OTOG: variants seen among roughly 807,000 people sequenced by gnomAD.
The protein encoded by OTOG is otogelin.
In OTOG, 296 loss-of-function variants were observed where a neutral mutation model predicts 313.8. The ratio of observed to expected loss-of-function variants is 0.94; its 90% confidence interval spans 0.86 to 1.04. OTOG has a LOEUF of 1.04. Among genes scored for constraint, OTOG ranks in the 50% least tolerant of loss-of-function variants. OTOG has a pLI of 0.00. For synonymous variants in OTOG, 1,533 were observed against 1,554.9 expected (o/e 0.99, Z 0.33); for missense variants, 3,948 against 3,840.1 (o/e 1.03, Z -0.74).
chr11:17,631,390 G>A (rs1450585048), intron 40 of OTOG, among the ~76,000 whole-genome samples: 1 of 106,448 alleles, frequency 9.4e-6, no homozygotes, highest in Admixed American at 8.5e-5. Flanking sequence ...GTGTGTGTGT[G>A]GGGGGGGGTA....
At chr11:17,605,000 G>A (rs1286474709) in intron 32 of OTOG, among the ~76,000 whole-genome samples, 2 of 152,238 alleles carry the variant, frequency 1.3e-5, no homozygotes, top group Non-Finnish European at 2.9e-5. Flanking sequence ...AGGGGCTGAA[G>A]ATGCACCCAC....
chr11:17,591,809 C>G lies in OTOG; in HGVS notation c.3006+221C>G, dbSNP rs190594925. ...CTGCCTGTCTGCTCACCATTATAATCTTGCTCTGTTGGGTCCCAGTGCTTT... is the reference window on the plus strand; with the variant it reads ...CTGCCTGTCTGCTCACCATTATAATGTTGCTCTGTTGGGTCCCAGTGCTTT... On this transcript the variant is annotated intron_variant, in intron 25 of 55. Coordinates refer to ENST00000399397, the MANE Select transcript of OTOG (RefSeq NM_001292063.2). Among the ~76,000 whole-genome samples the G allele has an allele frequency of 6.0e-4, 92 of 152,344 alleles. 1 individual carries two copies. In the East Asian group the frequency reaches 0.018, roughly 29 times the overall value.
At chr11:17,575,834 A>G (rs11024326) in intron 20 of OTOG, among the ~76,000 whole-genome samples, 39,820 of 151,964 alleles carry the variant, frequency 0.26, 6,107 homozygotes, top group Middle Eastern at 0.44. Context: ...TGGCTTATAT[A>G]TAGAGAGGGA....
chr11:17,578,332 T>G, intron 22 of OTOG, 41 bp from the exon 23 acceptor site: 1 of 1,440,990 alleles, frequency 6.9e-7, no homozygotes, highest in Non-Finnish European at 9.1e-7. Flanking sequence ...GAGCCCATAC[T>G]GAGGCCCCAG....
In OTOG at chr11:17,638,466, G is replaced by A. The variant is rs988638407; in HGVS notation, c.7811G>A (p.Arg2604His). 14 of 1,549,206 alleles carry A rather than the reference G, an allele frequency of 9.0e-6. No homozygotes were observed. Among genetic ancestry groups the A allele is most frequent in the East Asian group, 4.9e-5 (2 of 40,902 alleles). ...PLYQCVCENF[R>H]CPQVQCGLGT... ...TTCCCCACAGTGTGTGAGAACTTCC[G>A]CTGTCCCCAAGTGCAGTGTGGCCTG... Residue 2604 changes from arginine (R) to histidine (H), a missense_variant, in exon 48 of 56, where the codon CGC becomes CAC. Transcript: ENST00000399397.
intron 17 of OTOG, among the ~76,000 whole-genome samples, chr11:17,571,147 AC>A (rs1459862940): frequency 1.3e-5 from 2 of 152,234 alleles, no homozygotes; most frequent in East Asian, 3.8e-4. Context: ...AAGAACAAGA[AC>A]AAAATAAAGC....
chr11:17,563,120 GA>G (rs1402938403), intron 15 of OTOG, among the ~76,000 whole-genome samples: 2 of 152,216 alleles, frequency 1.3e-5, no homozygotes, highest in Non-Finnish European at 2.9e-5. Flanking sequence ...AATCACCTGT[GA>G]ACATAACTGA....
chr11:17,600,292 GT>G (rs1853217526), intron 31 of OTOG, among the ~76,000 whole-genome samples: 1 of 151,664 alleles, frequency 6.6e-6, no homozygotes, highest in African/African-American at 2.4e-5. Context: ...GATTGGGTGG[GT>G]GGGGTAGAGA....
intron 53 of OTOG, among the ~76,000 whole-genome samples, chr11:17,643,251 C>G (rs1401372400): frequency 1.3e-5 from 2 of 152,232 alleles, no homozygotes; most frequent in East Asian, 3.8e-4. Flanking sequence ...GACCCAGGCT[C>G]CTGCCGCAAG....
In OTOG at chr11:17,633,696, C is replaced by T. The variant is rs1439272670; in HGVS notation, c.7089C>T (p.Ser2363=). 4.5e-6 allele frequency: 7 copies of T among 1,539,654 alleles called. No homozygotes were observed. Among genetic ancestry groups the T allele is most frequent in the Middle Eastern group, 1.7e-4 (1 of 5,942 alleles). Residue 2363 remains serine (S), a synonymous_variant, in exon 43 of 56, where the codon AGC becomes AGT. Coordinates refer to ENST00000399397, the MANE Select transcript of OTOG (RefSeq NM_001292063.2). ...CCCCTGCAGCCTTCCTGTGCTCCAG[C>T]GACTCCACATACCAGGCATGTGTGA... ...RSDYCPFLCS[S]DSTYQACVTA... is the part of the protein sequence containing the mutation.
Position 17,553,437 on chromosome 11 carries a change from G to T in OTOG, c.458G>T (p.Gly153Val). The change falls in exon 6 of 56, where the codon GGG (glycine) becomes GTG (valine). Residue 153 changes from glycine (G) to valine (V), a missense_variant. Gly to Val is a moderately radical substitution (Grantham distance 109, BLOSUM62 -3). Transcript: ENST00000399397. ...WGQHHVETFDGLYYYLSGKGS... is the reference protein window; with the variant it reads ...WGQHHVETFDVLYYYLSGKGS... ...CAGCACCACGTGGAGACATTTGATG[G>T]GCTCTACTACTACCTCTCCGGAAAG... 6.8e-7 allele frequency: 1 copy of T among 1,474,570 alleles called. No homozygotes were observed. Among genetic ancestry groups the T allele is most frequent in the Non-Finnish European group, 9.0e-7 (1 of 1,110,704 alleles). 91.3% of individuals were successfully genotyped at this position (1,474,570 alleles called of 1,614,324 possible).
intron 22 of OTOG, 179 bp from the exon 23 acceptor site, chr11:17,578,194 A>G: frequency 7.4e-7 from 1 of 1,344,588 alleles, no homozygotes; most frequent in Non-Finnish European, 9.5e-7. Context: ...GACAGACAGC[A>G]CACATCTACC....
chr11:17,552,120 G>C, intron 4 of OTOG, 45 bp downstream of exon 4: 1 of 1,533,298 alleles, frequency 6.5e-7, no homozygotes, highest in Non-Finnish European at 8.8e-7. Context: ...GCATGGGAGA[G>C]CCCTGGCAGA....
At chr11:17,599,729 G>T (rs1853199451) in intron 31 of OTOG, 32 bp downstream of exon 31, 1 of 1,548,868 alleles carries the variant, frequency 6.5e-7, no homozygotes, top group East Asian at 2.4e-5. Context: ...AGAGTCTCAG[G>T]GGCTCAGGCA....
chr11:17,638,307 G>A (rs1847896655), intron 47 of OTOG, 144 bp from the exon 48 acceptor site: 2 of 703,286 alleles, frequency 2.8e-6, no homozygotes, highest in African/African-American at 3.6e-5. Flanking sequence ...CGGGTGCCCA[G>A]ACTCTTCCCT....
chr11:17,555,206 G>GGTGTGTGT (rs546703977), intron 6 of OTOG, among the ~76,000 whole-genome samples: 3 of 98,636 alleles, frequency 3.0e-5, no homozygotes, highest in African/African-American at 1.7e-4. Context: ...CGGGGGCAGA[G>GGTGTGTGT]ATGTGTGTGT....
chr11:17,618,854 C>T (rs1340301152), intron 39 of OTOG, among the ~76,000 whole-genome samples: 1 of 152,302 alleles, frequency 6.6e-6, no homozygotes, highest in East Asian at 1.9e-4. Flanking sequence ...GTCTGACTTG[C>T]CTGTAATAAC....
chr11:17,569,127 C>G, intron 15 of OTOG, 29 bp from the exon 16 acceptor site: 2 of 1,550,350 alleles, frequency 1.3e-6, no homozygotes, highest in Non-Finnish European at 1.7e-6. Flanking sequence ...CAGACCAACA[C>G]TGCCCCATTG....
intron 39 of OTOG, among the ~76,000 whole-genome samples, chr11:17,614,045 T>A (rs1014128620): frequency 1.3e-5 from 2 of 152,140 alleles, no homozygotes; most frequent in Admixed American, 1.3e-4. Flanking sequence ...CATGAACACA[T>A]TACTACCAGG....
Sources: allele counts gnomAD v4.1 joint callset (sites outside exome capture counted in the v4.1 genomes callset), GRCh38; gene constraint gnomAD v4.1.1; transcripts MANE v1.5; gene names NCBI Gene and HGNC (gene_info 2026-07-23, HGNC 2026-07-21).